The following ZNF479 variants were observed in gnomAD, a reference collection of about 807,000 sequenced individuals.
ZNF479 encodes the protein zinc finger protein 479.
ZNF479 carries 15 observed loss-of-function variants against 14.7 expected under a neutral mutation model. The ratio of observed to expected loss-of-function variants is 1.02; its 90% CI spans 0.68 to 1.57. ZNF479 has a LOEUF of 1.57. ZNF479 is among the 40% of genes most tolerant of loss of function. The pLI is 0.00. For synonymous variants in ZNF479, 145 were observed against 211.5 expected, an observed-to-expected ratio of 0.69 and a Z score of 2.73; for missense variants, 506 against 615.1, an observed-to-expected ratio of 0.82 and a Z score of 1.88.
chr7:57,138,709 C>T (rs1038546775), intron 1 of ZNF479, among the ~76,000 whole-genome samples: 4 of 152,162 alleles, frequency 2.6e-5, no homozygotes, highest in Non-Finnish European at 2.9e-5. Flanking sequence ...GTGTAAAGCC[C>T]TCAGATGGTA....
At chr7:57,127,115 A>G (rs1168888559) in intron 1 of ZNF479, among the ~76,000 whole-genome samples, 1 of 143,950 alleles carries the variant, frequency 6.9e-6, no homozygotes, top group Non-Finnish European at 1.5e-5. Context: ...CTCCACCTCC[A>G]GGGTTCAATC....
rs112837245 is a variant in ZNF479 at position 57,131,713 on chromosome 7, A to AACTAC, written c.39+568_39+572dup. Among the ~76,000 whole-genome samples the AACTAC allele has an allele frequency of 8.8e-3, 1,343 of 152,304 alleles. 30 individuals carry two copies. Among genetic ancestry groups the AACTAC allele is most frequent in the African/African-American group, 0.031 (1,289 of 41,554 alleles). ...TTCACCTGGATCTCACAAATAAGGAAACTACATAACTGTACCAAACCAATT... is the reference window on the plus strand; with the variant it reads ...TTCACCTGGATCTCACAAATAAGGAAACTACACTACATAACTGTACCAAACCAATT... On this transcript the variant is annotated intron_variant, in intron 1 of 3. Coordinates refer to ENST00000319636, the MANE Select transcript of ZNF479 (RefSeq NM_001370129.2).
At chr7:57,128,790 C>G (rs1786294180) in intron 1 of ZNF479, among the ~76,000 whole-genome samples, 1 of 152,190 alleles carries the variant, frequency 6.6e-6, no homozygotes, top group Non-Finnish European at 1.5e-5. Flanking sequence ...TTTGCAAGAT[C>G]TGAACACAAG....
At position 57,118,624 on chromosome 7, in the gene ZNF479, T is replaced by C. The variant is rs201633255; in HGVS notation, c.*1216A>G. ...TGACCTCATGATCCACCGACCTTGG[T>C]CTCCCAAAGTGCTGGAATTATAGGC... On this transcript the variant is annotated 3_prime_UTR_variant, in exon 4 of 4. Coordinates refer to ENST00000319636, the MANE Select transcript of ZNF479 (RefSeq NM_001370129.2). 2.5e-4 allele frequency among the ~76,000 whole-genome samples: 36 copies of C among 141,516 alleles called. No individual in the cohort carries two copies. The highest frequency in any genetic ancestry group is 1.1e-3 in the East Asian group (5 of 4,482). 92.8% of individuals were successfully genotyped at this position (141,516 alleles called of 152,430 possible).
Position 57,120,364 on chromosome 7 carries a change from TC to T in ZNF479, c.1050del (p.Lys351AsnfsTer19). On this transcript the variant is annotated frameshift_variant, in exon 4 of 4. Transcript: ENST00000319636. LOFTEE classifies it low-confidence loss of function (END_TRUNC). ...CCACATTCTTCACAGGCATAGGGTT[TC>T]TCTCTAGTATGAATTCTCTTATGTC... Reference protein sequence around the residue: ...LTRHKRIHTREKPYACEECGQ... With the variant: ...LTRHKRIHTRXKPYACEECGQ... 1 of 1,613,616 alleles carries T rather than the reference TC, an allele frequency of 6.2e-7. No homozygotes were observed. Among genetic ancestry groups the T allele is most frequent in the African/African-American group, 1.3e-5 (1 of 74,988 alleles).
rs376794790 is a variant in ZNF479, at chr7:57,119,856, G to A, written c.1559C>T (p.Pro520Leu). 2 of 1,612,872 alleles carry A rather than the reference G, an allele frequency of 1.2e-6. No homozygotes were observed. The highest frequency in any genetic ancestry group is 2.7e-5 in the African/African-American group (2 of 74,946). ...KHKIIHTGEK[P>L]YKCE The stretch of plus-strand genomic sequence containing the variant: ...TTTGCCATATTATTCACATTTGTAG[G>A]GTTTCTCTCCAGTGTGAATTATCTT... Residue 520 changes from proline to leucine, a missense_variant, in exon 4 of 4, where the codon CCC becomes CTC. Around this residue, in one of 3 missense-constraint regions of ZNF479, gnomAD observed 72 missense variants for 97.6 expected, o/e 0.74. Transcript: ENST00000319636.
chr7:57,132,507 G>T (rs1786480253), upstream of ZNF479, among the ~76,000 whole-genome samples: 1 of 152,050 alleles, frequency 6.6e-6, no homozygotes, highest in Admixed American at 6.6e-5. Context: ...CTAGTCCACG[G>T]CTCCTGATTG....
chr7:57,131,343 A>G (rs1236945381), intron 1 of ZNF479, among the ~76,000 whole-genome samples: 1 of 152,042 alleles, frequency 6.6e-6, no homozygotes, highest in Non-Finnish European at 1.5e-5. Flanking sequence ...CAGGCAGATC[A>G]CCTGAGGCCA....
At chr7:57,135,351 G>T (rs543395984), upstream of ZNF479, among the ~76,000 whole-genome samples, 1 of 152,198 alleles carries the variant, frequency 6.6e-6, no homozygotes, top group Non-Finnish European at 1.5e-5. Flanking sequence ...AGTCCCTCTC[G>T]GCTAAAATTA....
intron 3 of ZNF479, among the ~76,000 whole-genome samples, chr7:57,123,161 T>A (rs565791224): frequency 6.6e-6 from 1 of 152,298 alleles, no homozygotes; most frequent in African/African-American, 2.4e-5. Context: ...GGTGAGGATA[T>A]GAAGAAGCTT....
At chr7:57,138,144 C>T (rs1223641140) in intron 1 of ZNF479, among the ~76,000 whole-genome samples, 1 of 152,122 alleles carries the variant, frequency 6.6e-6, no homozygotes, top group Non-Finnish European at 1.5e-5. Context: ...AGTCTCTGCC[C>T]ACAGGTGGGA....
rs1554399530 is a variant in ZNF479, at chr7:57,119,195, G to A, written c.*645C>T. The stretch of plus-strand genomic sequence containing the variant: ...TTCTCTTCAGTATTAATTCTCTTAT[G>A]TATAATAAGGGTTCAAGACTAGTTA... On this transcript the variant is annotated 3_prime_UTR_variant, in exon 4 of 4. Coordinates refer to ENST00000319636, the MANE Select transcript of ZNF479 (RefSeq NM_001370129.2). 6.6e-6 allele frequency among the ~76,000 whole-genome samples: 1 copy of A among 152,080 alleles called. No homozygotes were observed. The highest frequency in any genetic ancestry group is 2.4e-5 in the African/African-American group (1 of 41,392).
intron 3 of ZNF479, among the ~76,000 whole-genome samples, chr7:57,123,238 G>A (rs1014969477): frequency 6.6e-6 from 1 of 152,174 alleles, no homozygotes; most frequent in African/African-American, 2.4e-5. Flanking sequence ...TGAGTGTGAG[G>A]TGGAGGAGCC....
intron 3 of ZNF479, among the ~76,000 whole-genome samples, chr7:57,123,697 G>A (rs1786045336): frequency 6.6e-6 from 1 of 152,044 alleles, no homozygotes; most frequent in Non-Finnish European, 1.5e-5. Flanking sequence ...GCTGAGCATT[G>A]TGGGGTATGC....
intron 3 of ZNF479, among the ~76,000 whole-genome samples, chr7:57,124,815 G>A (rs934647033): frequency 5.9e-5 from 9 of 152,110 alleles, no homozygotes; most frequent in African/African-American, 1.9e-4. Context: ...TGGCTCACAC[G>A]TGTGATCCCA....
chr7:57,138,622 G>A (rs1363527785), intron 1 of ZNF479, among the ~76,000 whole-genome samples: 1 of 152,108 alleles, frequency 6.6e-6, no homozygotes, highest in Non-Finnish European at 1.5e-5. Flanking sequence ...TTCATAGCTG[G>A]GCTTAGGCCA....
Position 57,126,114 on chromosome 7 carries a change from CT to C in ZNF479, c.167-2del. On this transcript the variant is annotated splice_acceptor_variant, in intron 2 of 3. Transcript: ENST00000319636. LOFTEE classifies it high-confidence loss of function. ...AAGTCTGGCTTAGAGACAGCAATAC[CT>C]GTTTTATTAAGAAAAAAAAGTAACA... 1 of 1,593,432 alleles carries C rather than the reference CT, an allele frequency of 6.3e-7. No individual in the cohort carries two copies. Among genetic ancestry groups the C allele is most frequent in the Non-Finnish European group, 8.5e-7 (1 of 1,177,504 alleles).
At chr7:57,124,232 G>T (rs948681391) in intron 3 of ZNF479, among the ~76,000 whole-genome samples, 26 of 152,150 alleles carry the variant, frequency 1.7e-4, no homozygotes, top group African/African-American at 5.8e-4. Context: ...ATAAAAAGCT[G>T]CAATAACAAT....
chr7:57,129,272 C>A (rs1456902630), intron 1 of ZNF479, among the ~76,000 whole-genome samples: 1 of 152,256 alleles, frequency 6.6e-6, no homozygotes, highest in African/African-American at 2.4e-5. Flanking sequence ...GTATCTTGAA[C>A]CCCTCAAGTT....
Sources: gnomAD v4.1 joint callset for allele counts (sites outside exome capture counted in the v4.1 genomes callset) on GRCh38, gnomAD v4.1.1 for gene constraint, gnomAD v4.1.1 regional missense constraint, MANE v1.5 for transcripts, NCBI Gene and HGNC (gene_info 2026-07-23, HGNC 2026-07-21) for gene names.